Variants in PLCZ1 observed in about 807,000 individuals in gnomAD.
PLCZ1 encodes 1-phosphatidylinositol 4,5-bisphosphate phosphodiesterase zeta-1.
Under a neutral mutation model 76.8 loss-of-function variants are expected in PLCZ1, and 64 were observed. The observed-to-expected ratio is 0.83, with a 90% CI of 0.68 to 1.03. The LOEUF is 1.03. Among genes scored for constraint, PLCZ1 ranks in the 50% least tolerant of loss-of-function variants. The probability of loss-of-function intolerance (pLI) is 0.00; values close to 1 mark genes in which losing one functional copy is unlikely to be tolerated. For synonymous variants in PLCZ1, 248 were observed against 230.8 expected (o/e 1.07, Z -0.68); for missense variants, 751 against 713.7 (o/e 1.05, Z -0.60).
rs112577448 is a variant in PLCZ1 at position 18,708,799 on chromosome 12, T to A, written c.715-3484A>T. ...TACCTTTTCATATACTTGTTGGCCA[T>A]TTTTATGTCTTCTTTGGAGAAATGC... is the stretch of plus-strand genomic sequence containing the variant. On this transcript the variant is annotated intron_variant, in intron 6 of 14. Coordinates refer to ENST00000266505, the MANE Select transcript of PLCZ1 (RefSeq NM_033123.4). 6.8e-3 allele frequency among the ~76,000 whole-genome samples: 1,041 copies of A among 152,280 alleles called. 5 individuals are homozygous for A. Among genetic ancestry groups the A allele is most frequent in the African/African-American group, 0.023 (954 of 41,570 alleles).
Position 18,702,205 on chromosome 12 carries a change from A to G in PLCZ1, c.865-429T>C, listed in dbSNP as rs866686060. Among the ~76,000 whole-genome samples the G allele has an allele frequency of 1.4e-4, 22 of 152,220 alleles. No homozygotes were observed. The Middle Eastern group carries it at 0.01, about 71-fold the overall frequency. ...TGAAATCAGGTATATTAAAATGTCTATCATAAGTGTCTGGCATCTAGTATA... is the reference window on the plus strand; with the variant it reads ...TGAAATCAGGTATATTAAAATGTCTGTCATAAGTGTCTGGCATCTAGTATA... On this transcript the variant is annotated intron_variant, in intron 7 of 14. Coordinates refer to ENST00000266505, the MANE Select transcript of PLCZ1 (RefSeq NM_033123.4).
chr12:18,658,196 G>A, the PLCZ1 span, among the ~76,000 whole-genome samples: 14 of 152,046 alleles, frequency 9.2e-5, no homozygotes, highest in Admixed American at 2.6e-4. Flanking sequence ...AGAGACCTAT[G>A]AAATACCACC....
At chr12:18,646,405 C>T in the PLCZ1 span, among the ~76,000 whole-genome samples, 5 of 152,032 alleles carry the variant, frequency 3.3e-5, no homozygotes, top group African/African-American at 7.2e-5. Flanking sequence ...CAGGGTAGAC[C>T]GCATTCGCAT....
the PLCZ1 span, among the ~76,000 whole-genome samples, chr12:18,649,662 C>A: frequency 2.0e-5 from 3 of 152,264 alleles, no homozygotes; most frequent in Admixed American, 2.0e-4. Flanking sequence ...TTGCTCCCAC[C>A]ATTTCAATGA....
the PLCZ1 span, among the ~76,000 whole-genome samples, chr12:18,661,243 G>C: frequency 6.6e-6 from 1 of 152,040 alleles, no homozygotes; most frequent in Non-Finnish European, 1.5e-5. Flanking sequence ...TGAAGAAATA[G>C]TACCCCAAAT....
chr12:18,680,280 T>C (rs1460631581), downstream of PLCZ1, among the ~76,000 whole-genome samples: 3 of 151,988 alleles, frequency 2.0e-5, no homozygotes, highest in Non-Finnish European at 4.4e-5. Context: ...CTAGTGTGAC[T>C]CCCAAATTTC....
chr12:18,709,868 TCTTTCA>T (rs1312447939), intron 6 of PLCZ1, among the ~76,000 whole-genome samples: 1 of 152,174 alleles, frequency 6.6e-6, no homozygotes, highest in Non-Finnish European at 1.5e-5. Context: ...AGTATACAGA[TCTTTCA>T]CTTCCTTGGT....
rs1047036568 is a variant in PLCZ1, at chr12:18,696,132, A to G, written c.1291+18T>C. The G allele has an allele frequency of 1.6e-6, 2 of 1,214,994 alleles. No homozygotes were observed. The highest frequency in any genetic ancestry group is 2.4e-5 in the East Asian group (1 of 42,134). 75.3% of individuals were successfully genotyped at this position (1,214,994 alleles called of 1,614,324 possible). A position where few individuals can be genotyped will look rare whatever the true frequency, so the allele number is the denominator to read the frequency against. ...TTATGTTACTTCTGCAAACAACTCA[A>G]TATCGTATATAACATACCCATTTGA... On this transcript the variant is annotated intron_variant, in intron 11 of 14. Coordinates refer to ENST00000266505, the MANE Select transcript of PLCZ1 (RefSeq NM_033123.4).
chr12:18,725,260 A>T (rs1238681047), intron 3 of PLCZ1, among the ~76,000 whole-genome samples: 1 of 152,156 alleles, frequency 6.6e-6, no homozygotes, highest in African/African-American at 2.4e-5. Flanking sequence ...GAAAAGCAGG[A>T]CGTGGTAGCA....
chr12:18,657,390 A>C, the PLCZ1 span, among the ~76,000 whole-genome samples: 1 of 152,182 alleles, frequency 6.6e-6, no homozygotes, highest in Non-Finnish European at 1.5e-5. Context: ...AGCTCTTGTC[A>C]CTGGCTGACC....
At chr12:18,654,920 G>T in the PLCZ1 span, among the ~76,000 whole-genome samples, 1 of 151,658 alleles carries the variant, frequency 6.6e-6, no homozygotes, top group South Asian at 2.1e-4. Context: ...AAAGGAAAAA[G>T]AAAAAAGACA....
In PLCZ1 at chr12:18,705,238, C is replaced by A. The variant is rs757632834; in HGVS notation, c.792G>T (p.Leu264Phe). Reference protein sequence around the residue: ...TAQQEVMADNLQATFGESLLS... With the variant: ...TAQQEVMADNFQATFGESLLS... Reference sequence around the variant, plus strand: ...GCAAGGACTCTCCAAAAGTAGCCTGCAAATTGTCTGCCATTACTTCTTGTT... The same window carrying A: ...GCAAGGACTCTCCAAAAGTAGCCTGAAAATTGTCTGCCATTACTTCTTGTT... The change falls in exon 7 of 15, where the codon TTG becomes TTT. Residue 264 changes from leucine to phenylalanine, a missense_variant. By Grantham distance (22) the Leu-to-Phe change is conservative. Transcript: ENST00000266505. The A allele has an allele frequency of 3.1e-6, 5 of 1,613,864 alleles. No individual in the cohort carries two copies. The Admixed American group carries it at 8.3e-5, about 27-fold the overall frequency.
At chr12:18,685,239 CT>C (rs1952928534) in intron 13 of PLCZ1, among the ~76,000 whole-genome samples, 1 of 152,004 alleles carries the variant, frequency 6.6e-6, no homozygotes, top group Non-Finnish European at 1.5e-5. Flanking sequence ...GAATTTCAAT[CT>C]CTAAGAAAAT....
chr12:18,668,571 TG>T, the PLCZ1 span, among the ~76,000 whole-genome samples: 1 of 152,114 alleles, frequency 6.6e-6, no homozygotes, highest in Non-Finnish European at 1.5e-5. Context: ...TCATGCATGC[TG>T]GACCATCATC....
At chr12:18,672,341 G>T in the PLCZ1 span, among the ~76,000 whole-genome samples, 1,186 of 152,132 alleles carry the variant, frequency 7.8e-3, 13 homozygotes, top group African/African-American at 0.027. Flanking sequence ...CGACAGTTAA[G>T]AAAAGGGAAA....
intron 13 of PLCZ1, among the ~76,000 whole-genome samples, chr12:18,687,635 G>C (rs1017535972): frequency 4.6e-5 from 7 of 151,896 alleles, no homozygotes; most frequent in Admixed American, 6.6e-5. Context: ...CTATCAGTAG[G>C]CTTCTATGGC....
At chr12:18,720,827 A>G (rs1958395723) in intron 4 of PLCZ1, among the ~76,000 whole-genome samples, 1 of 152,086 alleles carries the variant, frequency 6.6e-6, no homozygotes, top group Non-Finnish European at 1.5e-5. Context: ...TAAACAAATT[A>G]AAGCTCAAAA....
intron 5 of PLCZ1, among the ~76,000 whole-genome samples, chr12:18,716,926 T>G (rs1381097932): frequency 2.0e-5 from 3 of 152,128 alleles, no homozygotes; most frequent in African/African-American, 7.2e-5. Flanking sequence ...TTTGTAAATA[T>G]GAGGAAATCG....
chr12:18,683,171 A>G, downstream of PLCZ1: 1 of 1,336,402 alleles, frequency 7.5e-7, no homozygotes, highest in Non-Finnish European at 1.1e-6. Context: ...AAAAGAAAAC[A>G]TAAAGACATT....
Sources: gnomAD v4.1 joint callset for allele counts (sites outside exome capture counted in the v4.1 genomes callset) on GRCh38, gnomAD v4.1.1 for gene constraint, MANE v1.5 for transcripts, NCBI Gene and HGNC (gene_info 2026-07-23, HGNC 2026-07-21) for gene names.